GTSE1: variants seen among roughly 807,000 people sequenced by gnomAD.
The protein encoded by GTSE1 is G2 and S-phase expressed 1.
Under a neutral mutation model 60.5 loss-of-function variants are expected in GTSE1, and 52 were observed. That is an observed-to-expected ratio of 0.86 (90% confidence interval 0.69 to 1.08). GTSE1 has a LOEUF of 1.08. Among genes scored for constraint, GTSE1 ranks in the 50% least tolerant of loss-of-function variants. The pLI is 0.00. For missense variants in GTSE1, 937 were observed against 961.8 expected (o/e 0.97, Z 0.34); for synonymous variants, 368 against 386.5 (o/e 0.95, Z 0.56).
Position 46,297,433 on chromosome 22 carries a change from A to G in GTSE1, c.33A>G (p.Ser11=). 1 of 1,613,934 alleles carries G rather than the reference A, an allele frequency of 6.2e-7. No homozygotes were observed. The highest frequency in any genetic ancestry group is 8.5e-7 in the Non-Finnish European group (1 of 1,179,802). ...GAGGCGGCGGCCGCGATGAGCCTTCAGCCTGCCGGGCAGGGGACGTGAACA... is the reference window on the plus strand; with the variant it reads ...GAGGCGGCGGCCGCGATGAGCCTTCGGCCTGCCGGGCAGGGGACGTGAACA... MEGGGGRDEP[S]ACRAGDVNMD... Residue 11 remains serine (S), a synonymous_variant, in exon 2 of 12, where the codon TCA becomes TCG. Coordinates refer to ENST00000454366, the MANE Select transcript of GTSE1 (RefSeq NM_016426.7). This position sits in a 1 kb window ranked among gnomAD's most constrained non-coding sequence, Gnocchi z 4.9.
chr22:46,298,441 G>T (rs1259265331), intron 2 of GTSE1, among the ~76,000 whole-genome samples: 1 of 151,752 alleles, frequency 6.6e-6, no homozygotes, highest in African/African-American at 2.4e-5. Flanking sequence ...CCGAGTAGCT[G>T]GGATTACAGG....
intron 2 of GTSE1, among the ~76,000 whole-genome samples, chr22:46,299,693 CAG>C (rs2077678154): frequency 1.3e-5 from 2 of 152,342 alleles, no homozygotes; most frequent in African/African-American, 4.8e-5. Flanking sequence ...TTTGTAATGT[CAG>C]GGGATATTAT....
At position 46,310,917 on chromosome 22, in the gene GTSE1, G is replaced by T. The variant is rs2077744546; in HGVS notation, c.763-1224G>T. 6.6e-6 allele frequency among the ~76,000 whole-genome samples: 1 copy of T among 152,138 alleles called. No individual in the cohort carries two copies. The highest frequency in any genetic ancestry group is 2.1e-4 in the South Asian group (1 of 4,822). ...TGAAAACATTTTGCTCAGTGAGAGAGGCCATAACAAAAGGTCCCATGTCGT... is the reference window on the plus strand; with the variant it reads ...TGAAAACATTTTGCTCAGTGAGAGATGCCATAACAAAAGGTCCCATGTCGT... On this transcript the variant is annotated intron_variant, in intron 4 of 11. Transcript: ENST00000454366. The surrounding 1 kb of genome is among the most constrained non-coding windows in gnomAD (Gnocchi z 4.4).
chr22:46,302,164 G>T (rs1480506052), intron 2 of GTSE1, among the ~76,000 whole-genome samples: 1 of 151,970 alleles, frequency 6.6e-6, no homozygotes, highest in Non-Finnish European at 1.5e-5. Context: ...AGAATGTTTT[G>T]TTTTATTTTC....
In GTSE1 at chr22:46,324,950, G is replaced by A. The variant is rs1200770172; in HGVS notation, c.1506-1486G>A. 1.3e-5 allele frequency among the ~76,000 whole-genome samples: 2 copies of A among 152,292 alleles called. No homozygotes were observed. Among genetic ancestry groups the A allele is most frequent in the African/African-American group, 2.4e-5 (1 of 41,560 alleles). ...TGGCCTCCCGAGGGGCCATGGTGGTGGGATGTCCTTGACTCATTTTATTTT... is the reference window on the plus strand; with the variant it reads ...TGGCCTCCCGAGGGGCCATGGTGGTAGGATGTCCTTGACTCATTTTATTTT... On this transcript the variant is annotated intron_variant, in intron 8 of 11. Transcript: ENST00000454366. The surrounding 1 kb of genome is among the most constrained non-coding windows in gnomAD (Gnocchi z 5.2).
chr22:46,297,341 TG>T lies in GTSE1; in HGVS notation c.-21-38del. 3 of 1,163,128 alleles carry T rather than the reference TG, an allele frequency of 2.6e-6. No homozygotes were observed. Among genetic ancestry groups the T allele is most frequent in the Non-Finnish European group, 3.9e-6 (3 of 770,024 alleles). 72.1% of individuals were successfully genotyped at this position (1,163,128 alleles called of 1,614,324 possible). On this transcript the variant is annotated intron_variant, in intron 1 of 11. Transcript: ENST00000454366. This position sits in a 1 kb window ranked among gnomAD's most constrained non-coding sequence, Gnocchi z 4.9. ...TGAAGGAAGCCGGAGCCCTGGGCCC[TG>T]ACACGTACTCACTTTCTGGCCCCGT...
At position 46,297,629 on chromosome 22, in the gene GTSE1, TTTTC is replaced by T; in HGVS notation, c.79+155_79+158del. On this transcript the variant is annotated intron_variant, in intron 2 of 11. Coordinates refer to ENST00000454366, the MANE Select transcript of GTSE1 (RefSeq NM_016426.7). This position sits in a 1 kb window ranked among gnomAD's most constrained non-coding sequence, Gnocchi z 4.9. ...CATGACATCTGCCTTCGTTTTCTGGTTTTCTTTCACCTCCTCCCCATTTTAAGTT... is the reference window on the plus strand; with the variant it reads ...CATGACATCTGCCTTCGTTTTCTGGTTTTCACCTCCTCCCCATTTTAAGTT... 1 of 615,276 alleles carries T rather than the reference TTTTC, an allele frequency of 1.6e-6. No individual in the cohort carries two copies. The allele number at this position is 615,276 out of a possible 1,614,324, so 38.1% of individuals were successfully genotyped here.
chr22:46,327,699 A>C (rs969059609), intron 9 of GTSE1, among the ~76,000 whole-genome samples: 2 of 152,182 alleles, frequency 1.3e-5, no homozygotes, highest in Non-Finnish European at 2.9e-5. Flanking sequence ...ACAAAAAAAC[A>C]TATATAATAT....
At position 46,328,863 on chromosome 22, in the gene GTSE1, C is replaced by T. The variant is rs1167454748; in HGVS notation, c.1900C>T (p.Pro634Ser). ...ATEVAREEAKPGGDAAPSEAL... is the reference protein window; with the variant it reads ...ATEVAREEAKSGGDAAPSEAL... The stretch of plus-strand genomic sequence containing the variant: ...AGAAGTAGCTCGGGAGGAAGCCAAG[C>T]CGGGTGGAGATGCAGCCCCTAGTGA... Residue 634 changes from proline (P) to serine (S), a missense_variant, in exon 10 of 12, where the codon CCG becomes TCG. Coordinates refer to ENST00000454366, the MANE Select transcript of GTSE1 (RefSeq NM_016426.7). 1 of 1,613,730 alleles carries T rather than the reference C, an allele frequency of 6.2e-7. No individual in the cohort carries two copies. Among genetic ancestry groups the T allele is most frequent in the East Asian group, 2.2e-5 (1 of 44,874 alleles).
At chr22:46,328,240 C>A (rs942724334) in intron 9 of GTSE1, among the ~76,000 whole-genome samples, 3 of 152,132 alleles carry the variant, frequency 2.0e-5, no homozygotes, top group Non-Finnish European at 4.4e-5. Context: ...GGCCTCAGCC[C>A]TGATCAGGGC....
Position 46,314,163 on chromosome 22 carries a change from C to A in GTSE1, c.1051+150C>A. ...TGTGTGCGGTGGACCAGGCTGTGGACTGAGTTGCTGTACCTGCCCTCAGTG... is the reference window on the plus strand; with the variant it reads ...TGTGTGCGGTGGACCAGGCTGTGGAATGAGTTGCTGTACCTGCCCTCAGTG... On this transcript the variant is annotated intron_variant, in intron 6 of 11. Transcript: ENST00000454366. This position sits in a 1 kb window ranked among gnomAD's most constrained non-coding sequence, Gnocchi z 7.1. 2 of 935,302 alleles carry A rather than the reference C, an allele frequency of 2.1e-6. No homozygotes were observed. Among genetic ancestry groups the A allele is most frequent in the Non-Finnish European group, 3.2e-6 (2 of 622,284 alleles). The allele number at this position is 935,302 out of a possible 1,614,324, so 57.9% of individuals were successfully genotyped here. A position where few individuals can be genotyped will look rare whatever the true frequency, so the allele number is the denominator to read the frequency against.
chr22:46,322,458 G>A (rs1228934151), intron 7 of GTSE1, among the ~76,000 whole-genome samples: 1 of 152,158 alleles, frequency 6.6e-6, no homozygotes, highest in Non-Finnish European at 1.5e-5. Context: ...AGGCTTTGGA[G>A]GCCCCAGAGC....
In GTSE1 at chr22:46,310,820, C is replaced by T. The variant is rs536299157; in HGVS notation, c.763-1321C>T. On this transcript the variant is annotated intron_variant, in intron 4 of 11. Transcript: ENST00000454366. The surrounding 1 kb of genome is among the most constrained non-coding windows in gnomAD (Gnocchi z 4.4). ...TGGTGCACACCTGTAATCCCAGCTACTTGGGAGGCTGAGGCAGGAGAATCG... is the reference window on the plus strand; with the variant it reads ...TGGTGCACACCTGTAATCCCAGCTATTTGGGAGGCTGAGGCAGGAGAATCG... 2.2e-4 allele frequency among the ~76,000 whole-genome samples: 33 copies of T among 152,258 alleles called. No individual in the cohort carries two copies. The highest frequency in any genetic ancestry group is 7.0e-4 in the African/African-American group (29 of 41,566).
At chr22:46,301,747 C>T (rs1197503395) in intron 2 of GTSE1, among the ~76,000 whole-genome samples, 1 of 152,112 alleles carries the variant, frequency 6.6e-6, no homozygotes, top group Non-Finnish European at 1.5e-5. Flanking sequence ...CCTCGACCTT[C>T]CAAAGTGCTG....
rs922583416 is a variant in GTSE1, at chr22:46,318,850, G to A, written c.1432+2438G>A. On this transcript the variant is annotated intron_variant, in intron 7 of 11. Coordinates refer to ENST00000454366, the MANE Select transcript of GTSE1 (RefSeq NM_016426.7). The surrounding 1 kb of genome is among the most constrained non-coding windows in gnomAD (Gnocchi z 4.8). ...GGGACCCAGGCTTACTCCATCCTGT[G>A]CTGCCGTGATGAGCTTCTCATCCTC... Among the ~76,000 whole-genome samples, 1 of 152,170 alleles carries A rather than the reference G, an allele frequency of 6.6e-6. No homozygotes were observed. The highest frequency in any genetic ancestry group is 1.5e-5 in the Non-Finnish European group (1 of 68,030).
rs8140981 is a variant in GTSE1 at position 46,323,116 on chromosome 22, C to T, written c.1433-74C>T. ...GGAGATACTCGGAGAATTGCCCATT[C>T]GGTGACGATCCCCCAACAGTAGGTC... is the stretch of plus-strand genomic sequence containing the variant. On this transcript the variant is annotated intron_variant, in intron 7 of 11. Transcript: ENST00000454366. 7.9e-3 allele frequency: 7,520 copies of T among 947,672 alleles called. 349 individuals are homozygous for T. In the African/African-American group the frequency reaches 0.1, roughly 13 times the overall value. The allele number at this position is 947,672 out of a possible 1,614,324, so 58.7% of individuals were successfully genotyped here.
At chr22:46,305,765 G>A (rs928335267) in intron 2 of GTSE1, among the ~76,000 whole-genome samples, 16 of 151,260 alleles carry the variant, frequency 1.1e-4, no homozygotes, top group African/African-American at 2.2e-4. Context: ...AAATTAGCCC[G>A]GTGTGGTGGC....
intron 2 of GTSE1, among the ~76,000 whole-genome samples, chr22:46,298,974 A>G (rs2147810070): frequency 6.6e-6 from 1 of 151,998 alleles, no homozygotes; most frequent in South Asian, 2.1e-4. Context: ...TTGTTATGCC[A>G]TTTTTTTCCG....
At chr22:46,312,705 C>T (rs1357457317) in intron 5 of GTSE1, among the ~76,000 whole-genome samples, 2 of 151,076 alleles carry the variant, frequency 1.3e-5, no homozygotes, top group Non-Finnish European at 2.9e-5. Flanking sequence ...CTGCAAAATA[C>T]ATGCAAAGAA....
Sources: allele counts gnomAD v4.1 joint callset (sites outside exome capture counted in the v4.1 genomes callset), GRCh38; gene constraint gnomAD v4.1.1; non-coding constraint Gnocchi (gnomAD v3.1); transcripts MANE v1.5; gene names NCBI Gene and HGNC (gene_info 2026-07-23, HGNC 2026-07-21).